Variants in SH3TC1 observed in about 807,000 individuals in gnomAD.
The protein encoded by SH3TC1 is SH3 domain and tetratricopeptide repeat-containing protein 1.
A neutral mutation model predicts 117.3 loss-of-function variants in SH3TC1; 135 were observed. The observed-to-expected ratio is 1.15, with a 90% confidence interval of 1.00 to 1.33. The LOEUF is 1.33. Ranked by LOEUF, SH3TC1 falls within the 40% of genes most tolerant of loss-of-function variation. The pLI is 0.00. For missense variants in SH3TC1, 2,092 were observed against 1,794.3 expected, an observed-to-expected ratio of 1.17 and a Z score of -3.00; for synonymous variants, 898 against 816.9, an observed-to-expected ratio of 1.10 and a Z score of -1.69.
In SH3TC1 at chr4:8,222,709, T is replaced by A. The variant is rs191330486; in HGVS notation, c.1113-131T>A. 51 of 1,157,694 alleles carry A rather than the reference T, an allele frequency of 4.4e-5. No individual in the cohort carries two copies. In the African/African-American group the frequency reaches 7.1e-4, roughly 16 times the overall value. 71.7% of individuals were successfully genotyped at this position (1,157,694 alleles called of 1,614,324 possible). ...TGTTGTTGTTGTTTTTAAATCTCTG[T>A]CTCTACCCCTGGGCAGAGAGTAGTG... On this transcript the variant is annotated intron_variant, in intron 9 of 17. Coordinates refer to ENST00000245105, the MANE Select transcript of SH3TC1 (RefSeq NM_018986.5).
chr4:8,223,833 C>A (rs1180870865), intron 10 of SH3TC1, among the ~76,000 whole-genome samples: 1 of 152,214 alleles, frequency 6.6e-6, no homozygotes, highest in East Asian at 1.9e-4. Context: ...CAGAGTTTCG[C>A]CATGTTGGCC....
Position 8,231,948 on chromosome 4 carries a change from G to C in SH3TC1, c.2951-28G>C. ...AGCCTCGCTTCAATGCTGGGAGGCT[G>C]ACGTCTTCCTTTTTGTCTTCTGCCC... On this transcript the variant is annotated intron_variant, in intron 12 of 17. Transcript: ENST00000245105. The C allele has an allele frequency of 1.9e-6, 3 of 1,606,388 alleles. No homozygotes were observed. The South Asian group carries it at 3.3e-5, about 18-fold the overall frequency.
At chr4:8,239,889 G>A (rs1234496973) in intron 17 of SH3TC1, among the ~76,000 whole-genome samples, 2 of 152,198 alleles carry the variant, frequency 1.3e-5, no homozygotes, top group African/African-American at 4.8e-5. Context: ...GGGCTGGGGG[G>A]CGTTGGATGA....
Position 8,216,970 on chromosome 4 carries a change from C to G in SH3TC1, c.642C>G (p.Val214=). The change falls in exon 7 of 18, where the codon GTC becomes GTG. Residue 214 remains valine (V), a synonymous_variant. Coordinates refer to ENST00000245105, the MANE Select transcript of SH3TC1 (RefSeq NM_018986.5). Reference sequence around the variant, plus strand: ...ATCCTTTTGAAGGGCCCTTCTTTGTCCTGTGTCCTGACCACCATGTGAGAG... The same window carrying G: ...ATCCTTTTGAAGGGCCCTTCTTTGTGCTGTGTCCTGACCACCATGTGAGAG... ...SLLIQEGPFF[V]LCPDHHVRVM... 6.2e-7 allele frequency: 1 copy of G among 1,614,106 alleles called. No homozygotes were observed.
At chr4:8,232,298 C>A in intron 13 of SH3TC1, 142 bp downstream of exon 13, 4 of 1,454,094 alleles carry the variant, frequency 2.8e-6, no homozygotes. Context: ...ATGCTCTGAG[C>A]TGGGGGGCCT....
Position 8,222,982 on chromosome 4 carries a change from C to T in SH3TC1, c.1243+12C>T, listed in dbSNP as rs575668119. The T allele has an allele frequency of 1.3e-4, 202 of 1,604,408 alleles. No homozygotes were observed. In the South Asian group the frequency reaches 1.9e-3, roughly 15 times the overall value. On this transcript the variant is annotated intron_variant, in intron 10 of 17. Transcript: ENST00000245105. Reference sequence around the variant, plus strand: ...CGTGTACAGCCTGGGTGCGTGTGGGCGATGCCTGTGGTGGGGCCACTGCCC... The same window carrying T: ...CGTGTACAGCCTGGGTGCGTGTGGGTGATGCCTGTGGTGGGGCCACTGCCC...
intron 14 of SH3TC1, among the ~76,000 whole-genome samples, chr4:8,234,036 T>TCATC (rs747527715): frequency 1.7e-4 from 24 of 138,124 alleles, no homozygotes; most frequent in Middle Eastern, 4.2e-3. Context: ...ATCCATCCAT[T>TCATC]CATCCATCAT....
intron 15 of SH3TC1, chr4:8,236,074 CG>C (rs1721785480): frequency 3.2e-6 from 2 of 615,654 alleles, no homozygotes; most frequent in African/African-American, 3.9e-5. Flanking sequence ...TTGAGGCTGC[CG>C]GGTGTAGCTG....
At position 8,240,843 on chromosome 4, in the gene SH3TC1, T is replaced by C. The variant is rs1173773148; in HGVS notation, c.3899T>C (p.Phe1300Ser). 30 of 1,614,032 alleles carry C rather than the reference T, an allele frequency of 1.9e-5. No individual in the cohort carries two copies. The highest frequency in any genetic ancestry group is 2.5e-5 in the Non-Finnish European group (29 of 1,180,026). Residue 1300 changes from phenylalanine to serine, a missense_variant, in exon 18 of 18, where the codon TTC becomes TCC. Physicochemically the swap from Phe to Ser is radical, Grantham distance 155. Coordinates refer to ENST00000245105, the MANE Select transcript of SH3TC1 (RefSeq NM_018986.5). ...FLLDREKSLF[F>S]YQKARTFATE... ...CTGGACCGTGAGAAGTCGCTCTTCTTCTACCAGAAGGCCAGGACCTTCGCC... is the reference window on the plus strand; with the variant it reads ...CTGGACCGTGAGAAGTCGCTCTTCTCCTACCAGAAGGCCAGGACCTTCGCC...
chr4:8,234,700 C>A (rs1721648985), intron 14 of SH3TC1, among the ~76,000 whole-genome samples: 1 of 152,260 alleles, frequency 6.6e-6, no homozygotes, highest in Admixed American at 6.5e-5. Flanking sequence ...CTCTCTCCCA[C>A]TGGTTCCCTC....
Position 8,192,318 on chromosome 4 carries a change from G to A in SH3TC1, c.-57+10108G>A, listed in dbSNP as rs1055189634. 2.0e-5 allele frequency among the ~76,000 whole-genome samples: 3 copies of A among 151,334 alleles called. No homozygotes were observed. The highest frequency in any genetic ancestry group is 2.0e-4 in the Admixed American group (3 of 15,194). ...GCCCTCAGTCACCTTTAAAATGAAA[G>A]GGCCACGGAATCACCAGGAACTCTC... On this transcript the variant is annotated intron_variant, in intron 1 of 16. Transcript: ENST00000508641. The surrounding 1 kb of genome is among the most constrained non-coding windows in gnomAD (Gnocchi z 4.1).
intron 7 of SH3TC1, 150 bp from the exon 8 acceptor site, chr4:8,218,120 GT>G: frequency 2.0e-6 from 1 of 498,658 alleles, no homozygotes; most frequent in Non-Finnish European, 3.6e-6. Flanking sequence ...GCAGGCATGT[GT>G]GTGTGTGTGT....
chr4:8,189,470 C>A (rs1290309282), intron 1 of SH3TC1, among the ~76,000 whole-genome samples: 1 of 152,128 alleles, frequency 6.6e-6, no homozygotes, highest in Non-Finnish European at 1.5e-5. Context: ...AGAAGGGGTG[C>A]CAGGAAGGAG....
chr4:8,197,639 C>T (rs1424692581), upstream of SH3TC1, among the ~76,000 whole-genome samples: 2 of 152,208 alleles, frequency 1.3e-5, no homozygotes, highest in African/African-American at 4.8e-5. Flanking sequence ...TGGGGCCTGG[C>T]CAGGCCGGGC....
At chr4:8,226,453 G>T (rs190959374) in intron 11 of SH3TC1, among the ~76,000 whole-genome samples, 6 of 152,308 alleles carry the variant, frequency 3.9e-5, no homozygotes, top group Middle Eastern at 3.4e-3. Flanking sequence ...CCTGTCCTCT[G>T]CTGTGGGTAG....
At chr4:8,198,468 A>G (rs923674695), upstream of SH3TC1, among the ~76,000 whole-genome samples, 4 of 152,232 alleles carry the variant, frequency 2.6e-5, no homozygotes, top group Non-Finnish European at 4.4e-5. Flanking sequence ...CAAGGGCATC[A>G]GAGCAGGCAG....
chr4:8,196,907 T>C (rs1340486215), upstream of SH3TC1, among the ~76,000 whole-genome samples: 1 of 152,076 alleles, frequency 6.6e-6, no homozygotes, highest in Non-Finnish European at 1.5e-5. The surrounding 1 kb of genome is among the most constrained non-coding windows in gnomAD (Gnocchi z 4.6). Context: ...TGAGGGGCTG[T>C]GATTGGGGGC....
intron 4 of SH3TC1, among the ~76,000 whole-genome samples, chr4:8,213,974 C>A (rs1004888842): frequency 2.0e-5 from 3 of 152,068 alleles, no homozygotes; most frequent in African/African-American, 7.2e-5. Context: ...ACACACTTCC[C>A]GAGTCGGAAG....
chr4:8,219,497 G>T lies in SH3TC1; in HGVS notation c.1079G>T (p.Ser360Ile). ...TCGGGCCGGGTGGGGTTTGTGCGGA[G>T]CAGCCTCATCAGCATGCAGGGCCCC... ...AASGRVGFVR[S>I]SLISMQGPVS... is the part of the protein sequence containing the mutation. The change falls in exon 9 of 18, where the codon AGC becomes ATC. Residue 360 changes from serine to isoleucine, a missense_variant. By Grantham distance (142) the Ser-to-Ile change is moderately radical (BLOSUM62 -2). Coordinates refer to ENST00000245105, the MANE Select transcript of SH3TC1 (RefSeq NM_018986.5). The T allele has an allele frequency of 6.3e-7, 1 of 1,592,136 alleles. No homozygotes were observed. The highest frequency in any genetic ancestry group is 2.3e-5 in the East Asian group (1 of 44,246).
Sources: allele counts gnomAD v4.1 joint callset (sites outside exome capture counted in the v4.1 genomes callset), GRCh38; gene constraint gnomAD v4.1.1; non-coding constraint Gnocchi (gnomAD v3.1); transcripts MANE v1.5; gene names NCBI Gene and HGNC (gene_info 2026-07-23, HGNC 2026-07-21).